DIP2A: variants seen among roughly 807,000 people sequenced by gnomAD.
DIP2A encodes the protein DIP2 acetate--CoA ligase A, also known as disco-interacting protein 2 homolog A.
In DIP2A, 85 loss-of-function variants were observed where a neutral mutation model predicts 177.4. That is an observed-to-expected ratio of 0.48 (90% CI 0.40 to 0.57). The LOEUF (loss-of-function observed/expected upper bound fraction) is 0.57, where lower values mean the gene tolerates loss of function less well. Among genes scored for constraint, DIP2A ranks in the 20% least tolerant of loss-of-function variants. The probability of loss-of-function intolerance (pLI) is 0.00; values close to 1 mark genes in which losing one functional copy is unlikely to be tolerated. For synonymous variants in DIP2A, 886 were observed against 881.8 expected, an observed-to-expected ratio of 1.00 and a Z score of -0.08; for missense variants, 1,791 against 2,100.2, an observed-to-expected ratio of 0.85 and a Z score of 2.88.
rs2056579589 is a variant in DIP2A, at chr21:46,484,812, T to C, written c.147T>C (p.Tyr49=). 1.3e-6 allele frequency: 2 copies of C among 1,584,470 alleles called. No individual in the cohort carries two copies. Among genetic ancestry groups the C allele is most frequent in the East Asian group, 2.3e-5 (1 of 44,030 alleles). The change falls in exon 2 of 38, where the codon TAT becomes TAC. Residue 49 remains tyrosine (Y), a synonymous_variant. Coordinates refer to ENST00000417564, the MANE Select transcript of DIP2A (RefSeq NM_015151.4). ...EKKRAKLLAR[Y]IPLIQGIDPS... Reference sequence around the variant, plus strand: ...AAAGGGCAAAGCTGCTTGCACGTTATATACCGCTTATTCAAGGTAAGGTCA... The same window carrying C: ...AAAGGGCAAAGCTGCTTGCACGTTACATACCGCTTATTCAAGGTAAGGTCA...
intron 18 of DIP2A, among the ~76,000 whole-genome samples, chr21:46,543,626 G>A (rs1464302343): frequency 2.0e-5 from 3 of 152,020 alleles, no homozygotes; most frequent in Non-Finnish European, 2.9e-5. Context: ...GTGGGACTGA[G>A]CCCCATGGTG....
the DIP2A span, among the ~76,000 whole-genome samples, chr21:46,582,096 T>C: frequency 6.6e-6 from 1 of 152,118 alleles, no homozygotes; most frequent in Non-Finnish European, 1.5e-5. Flanking sequence ...CCCTAAGGAC[T>C]CCATTCCAGG....
In DIP2A at chr21:46,529,152, A is replaced by G. The variant is rs1173014334; in HGVS notation, c.1163A>G (p.Lys388Arg). ...AYTLLNKLTS[K>R]NEPLLKPGDR... ...ACTCTACTTAATAAACTGACAAGTAAGAATGAACCTCTACTTAAACCTGGA... is the reference window on the plus strand; with the variant it reads ...ACTCTACTTAATAAACTGACAAGTAGGAATGAACCTCTACTTAAACCTGGA... Residue 388 changes from lysine to arginine, a missense_variant, in exon 9 of 38, where the codon AAG becomes AGG. Coordinates refer to ENST00000417564, the MANE Select transcript of DIP2A (RefSeq NM_015151.4). The G allele has an allele frequency of 6.5e-7, 1 of 1,536,324 alleles. No homozygotes were observed. Among genetic ancestry groups the G allele is most frequent in the East Asian group, 2.5e-5 (1 of 40,600 alleles).
At chr21:46,482,291 T>C (rs1220046934) in intron 1 of DIP2A, among the ~76,000 whole-genome samples, 2 of 152,134 alleles carry the variant, frequency 1.3e-5, no homozygotes, top group Non-Finnish European at 2.9e-5. Flanking sequence ...CGGGCAACGA[T>C]TGACCACATA....
chr21:46,560,136 G>A (rs1226962870), intron 32 of DIP2A, among the ~76,000 whole-genome samples: 1 of 152,226 alleles, frequency 6.6e-6, no homozygotes, highest in Non-Finnish European at 1.5e-5. Flanking sequence ...GCAGACACAG[G>A]TTATGTTGTC....
chr21:46,482,324 C>T (rs2056401002), intron 1 of DIP2A, among the ~76,000 whole-genome samples: 1 of 152,190 alleles, frequency 6.6e-6, no homozygotes, highest in Admixed American at 6.5e-5. Context: ...TCCATGAGAT[C>T]ATGATAAAGC....
chr21:46,556,890 CCTG>C lies in DIP2A; in HGVS notation c.3499-48_3499-46del. 1 of 1,490,670 alleles carries C rather than the reference CCTG, an allele frequency of 6.7e-7. No individual in the cohort carries two copies. Among genetic ancestry groups the C allele is most frequent in the Non-Finnish European group, 9.0e-7 (1 of 1,113,022 alleles). The allele number at this position is 1,490,670 out of a possible 1,614,324, so 92.3% of individuals were successfully genotyped here. A position where few individuals can be genotyped will look rare whatever the true frequency, so the allele number is the denominator to read the frequency against. ...GACACTGCCATCCACCCTCTCCCCTCCTGAATTTCATTTCACTTTTTTTTTTTG... is the reference window on the plus strand; with the variant it reads ...GACACTGCCATCCACCCTCTCCCCTCAATTTCATTTCACTTTTTTTTTTTG... On this transcript the variant is annotated intron_variant, in intron 29 of 37. Transcript: ENST00000417564. The surrounding 1 kb of genome is among the most constrained non-coding windows in gnomAD (Gnocchi z 4.5).
Position 46,557,014 on chromosome 21 carries a change from G to A in DIP2A, c.3574G>A (p.Ala1192Thr), listed in dbSNP as rs749572406. ...TGAGCTGTACCCCTCGCGGCAGATC[G>A]CCATCTGCCTCGACCCCTACTGTGG... ...QCELYPSRQI[A>T]ICLDPYCGLG... Residue 1192 changes from alanine to threonine, a missense_variant, in exon 30 of 38, where the codon GCC becomes ACC. Ala to Thr is a moderately conservative substitution (Grantham distance 58, BLOSUM62 0). Transcript: ENST00000417564. This position sits in a 1 kb window ranked among gnomAD's most constrained non-coding sequence, Gnocchi z 6.0. The A allele has an allele frequency of 2.3e-5, 37 of 1,602,006 alleles. No individual in the cohort carries two copies. The highest frequency in any genetic ancestry group is 2.1e-4 in the Admixed American group (12 of 58,152).
At chr21:46,506,773 T>TTTC (rs1297070857) in intron 6 of DIP2A, among the ~76,000 whole-genome samples, 312 of 131,034 alleles carry the variant, frequency 2.4e-3, no homozygotes, top group African/African-American at 4.3e-3. Context: ...TCTTTCTTTC[T>TTTC]TTTCTTTTCT....
At chr21:46,510,020 G>T (rs528642589) in intron 7 of DIP2A, among the ~76,000 whole-genome samples, 2 of 152,152 alleles carry the variant, frequency 1.3e-5, no homozygotes, top group Non-Finnish European at 2.9e-5. Flanking sequence ...TATTAGTCAG[G>T]GTTCTCTAGA....
chr21:46,463,882 G>GT (rs1476771092), intron 1 of DIP2A, among the ~76,000 whole-genome samples: 7 of 151,430 alleles, frequency 4.6e-5, no homozygotes, highest in African/African-American at 1.5e-4. Flanking sequence ...CTAGTTTTTT[G>GT]TATCTTTAGT....
intron 1 of DIP2A, chr21:46,462,675 T>A (rs925838452): frequency 8.6e-5 from 13 of 151,624 alleles, no homozygotes; most frequent in African/African-American, 3.2e-4. Context: ...AAGTGAGAAA[T>A]TGCCTAAAAC....
Position 46,541,801 on chromosome 21 carries a change from G to T in DIP2A, c.2082G>T (p.Ser694=), listed in dbSNP as rs779042740. 5.6e-6 allele frequency: 9 copies of T among 1,613,924 alleles called. No individual in the cohort carries two copies. The highest frequency in any genetic ancestry group is 7.6e-6 in the Non-Finnish European group (9 of 1,179,874). The change falls in exon 18 of 38, where the codon TCG becomes TCT. Residue 694 remains serine (S), a synonymous_variant. Coordinates refer to ENST00000417564, the MANE Select transcript of DIP2A (RefSeq NM_015151.4). ...CACCTCCAAGAAAAGCAGTCCTGTC[G>T]ATGAACGGTCTAAGTTATGGTGTTA... ...GGPPPRKAVL[S]MNGLSYGVIR...
At chr21:46,560,897 A>G in intron 33 of DIP2A, 114 bp downstream of exon 33, 9 of 1,502,446 alleles carry the variant, frequency 6.0e-6, no homozygotes, top group Non-Finnish European at 7.1e-6. Context: ...CGGCGGGGCC[A>G]AGTCAGGCCT....
At chr21:46,531,724 T>C (rs182771634) in intron 9 of DIP2A, among the ~76,000 whole-genome samples, 27 of 152,312 alleles carry the variant, frequency 1.8e-4, no homozygotes, top group Admixed American at 8.5e-4. Flanking sequence ...ACAAATTCTG[T>C]AAAAATATAC....
intron 5 of DIP2A, among the ~76,000 whole-genome samples, chr21:46,502,268 T>C (rs940839153): frequency 6.6e-6 from 1 of 151,196 alleles, no homozygotes; most frequent in Non-Finnish European, 1.5e-5. Flanking sequence ...CCTAAGTAGC[T>C]GGGACCACAG....
chr21:46,489,103 G>T (rs922111857), intron 2 of DIP2A, among the ~76,000 whole-genome samples: 14 of 151,686 alleles, frequency 9.2e-5, no homozygotes, highest in South Asian at 6.2e-4. Flanking sequence ...ACACACGTGT[G>T]TGTGTGGGTG....
At chr21:46,541,190 T>C (rs2059802745) in intron 17 of DIP2A, among the ~76,000 whole-genome samples, 2 of 152,234 alleles carry the variant, frequency 1.3e-5, no homozygotes, top group African/African-American at 4.8e-5. Flanking sequence ...GTATTCCAGT[T>C]ACTATTGTTG....
chr21:46,554,120 C>T, intron 25 of DIP2A, 49 bp from the exon 26 acceptor site: 1 of 1,586,112 alleles, frequency 6.3e-7, no homozygotes, highest in Non-Finnish European at 8.6e-7. Flanking sequence ...TGCGAACAGC[C>T]CACCTGCACG....
Sources: allele counts gnomAD v4.1 joint callset (sites outside exome capture counted in the v4.1 genomes callset), GRCh38; gene constraint gnomAD v4.1.1; non-coding constraint Gnocchi (gnomAD v3.1); transcripts MANE v1.5; gene names NCBI Gene and HGNC (gene_info 2026-07-23, HGNC 2026-07-21).